The following SPTBN1 variants were observed in gnomAD, a reference collection of about 807,000 sequenced individuals.
SPTBN1 encodes the protein spectrin beta chain, non-erythrocytic 1.
A neutral mutation model predicts 266.4 loss-of-function variants in SPTBN1; 32 were observed. The ratio of observed to expected loss-of-function variants is 0.12; its 90% CI spans 0.09 to 0.16. SPTBN1 has a LOEUF of 0.16. SPTBN1 is among the 10% of genes least tolerant of loss of function. SPTBN1 has a pLI of 1.00. For missense variants in SPTBN1, 2,296 were observed against 3,067.1 expected (o/e 0.75, Z 5.94); for synonymous variants, 1,336 against 1,162.2 (o/e 1.15, Z -3.04).
At chr2:54,623,164 G>A (rs1302989706) in intron 9 of SPTBN1, among the ~76,000 whole-genome samples, 4 of 152,162 alleles carry the variant, frequency 2.6e-5, no homozygotes, top group African/African-American at 4.8e-5. Context: ...AATAATCCGT[G>A]TTGAATGCAT....
rs1204120497 is a variant in SPTBN1, at chr2:54,632,110, A to AT, written c.3565-445dup. Reference sequence around the variant, plus strand: ...AAAAAAAAAAAAAAGTACGGTGAGGATTTTTTTTTTTCTTGAGACCAGTCT... The same window carrying AT: ...AAAAAAAAAAAAAAGTACGGTGAGGATTTTTTTTTTTTCTTGAGACCAGTCT... On this transcript the variant is annotated intron_variant, in intron 16 of 35. Transcript: ENST00000356805. Among the ~76,000 whole-genome samples the AT allele has an allele frequency of 3.0e-3, 414 of 140,004 alleles. 1 individual carries two copies. The highest frequency in any genetic ancestry group is 9.5e-3 in the African/African-American group (360 of 38,078). The allele number at this position is 140,004 out of a possible 152,430, so 91.8% of individuals were successfully genotyped here.
intron 1 of SPTBN1, among the ~76,000 whole-genome samples, chr2:54,478,916 A>G (rs983260067): frequency 4.6e-5 from 7 of 151,750 alleles, no homozygotes; most frequent in East Asian, 1.9e-4. Flanking sequence ...ATATATGTGT[A>G]TATATATATA....
At chr2:54,639,597 T>TA (rs755032591) in intron 18 of SPTBN1, among the ~76,000 whole-genome samples, 5 of 152,398 alleles carry the variant, frequency 3.3e-5, no homozygotes, top group Non-Finnish European at 7.3e-5. Context: ...TCCACTGACA[T>TA]ATGTCGATTT....
At chr2:54,471,800 A>ATTTTTTTTTTTGTTTTTTTTTTT (rs1693934383) in intron 1 of SPTBN1, among the ~76,000 whole-genome samples, 1 of 102,718 alleles carries the variant, frequency 9.7e-6, no homozygotes. Flanking sequence ...TTTTTTATCG[A>ATTTTTTTTTTTGTTTTTTTTTTT]TTTTTTTTTT....
chr2:54,640,347 C>T (rs1248159254), intron 18 of SPTBN1, among the ~76,000 whole-genome samples: 1 of 152,056 alleles, frequency 6.6e-6, no homozygotes, highest in Non-Finnish European at 1.5e-5. Flanking sequence ...AGCTTCCTTC[C>T]TTGTTGGGTG....
chr2:54,559,622 C>T (rs1673142165), intron 2 of SPTBN1, among the ~76,000 whole-genome samples: 1 of 152,124 alleles, frequency 6.6e-6, no homozygotes, highest in Non-Finnish European at 1.5e-5. Context: ...GTTTTCCCTG[C>T]GGCCCCTGCA....
At chr2:54,469,820 T>A (rs1322094683) in intron 1 of SPTBN1, among the ~76,000 whole-genome samples, 1 of 152,214 alleles carries the variant, frequency 6.6e-6, no homozygotes, top group Non-Finnish European at 1.5e-5. Context: ...CTGGTCCTTC[T>A]CACAGCAAGA....
At chr2:54,568,348 T>G in intron 2 of SPTBN1, among the ~76,000 whole-genome samples, 1 of 62,718 alleles carries the variant, frequency 1.6e-5, no homozygotes, top group African/African-American at 7.3e-5. Context: ...AGACTCTGTC[T>G]CAAAAAAAAA....
chr2:54,635,608 G>A (rs768785909), intron 17 of SPTBN1, among the ~76,000 whole-genome samples: 26 of 152,328 alleles, frequency 1.7e-4, no homozygotes, highest in Non-Finnish European at 3.5e-4. Flanking sequence ...AGTGTTTGAA[G>A]TTACTTTCAT....
Position 54,624,799 on chromosome 2 carries a change from T to G in SPTBN1, c.1183-5T>G. On this transcript the variant is annotated splice_region_variant and splice_polypyrimidine_tract_variant and intron_variant, in intron 10 of 35. Transcript: ENST00000356805. ...TTGTGTGTGTGTGTATTTTCATTTTTGTAGGCCTGGGAAAGACTGGAAAAA... is the reference window on the plus strand; with the variant it reads ...TTGTGTGTGTGTGTATTTTCATTTTGGTAGGCCTGGGAAAGACTGGAAAAA... 1 of 1,614,106 alleles carries G rather than the reference T, an allele frequency of 6.2e-7. No homozygotes were observed. The highest frequency in any genetic ancestry group is 8.5e-7 in the Non-Finnish European group (1 of 1,180,004).
rs559895005 is a variant in SPTBN1, at chr2:54,670,345, G to C, written c.*1776G>C. ...TGGGTATGTTGACTCCATGCCACTT[G>C]CATAAAGCAGCAATGGATATTAGTA... On this transcript the variant is annotated 3_prime_UTR_variant, in exon 36 of 36. Coordinates refer to ENST00000356805, the MANE Select transcript of SPTBN1 (RefSeq NM_003128.3). 1 of 183,380 alleles carries C rather than the reference G, an allele frequency of 5.5e-6. No individual in the cohort carries two copies. Among genetic ancestry groups the C allele is most frequent in the East Asian group, 1.3e-4 (1 of 7,670 alleles). The allele number at this position is 183,380 out of a possible 1,614,324, so 11.4% of individuals were successfully genotyped here. A position where few individuals can be genotyped will look rare whatever the true frequency, so the allele number is the denominator to read the frequency against.
At chr2:54,556,574 T>G (rs1236214939) in intron 2 of SPTBN1, among the ~76,000 whole-genome samples, 1 of 152,176 alleles carries the variant, frequency 6.6e-6, no homozygotes. Context: ...ACTTAGAGAC[T>G]TATCATTTCA....
chr2:54,499,781 TC>T (rs925587987), intron 1 of SPTBN1, among the ~76,000 whole-genome samples: 1 of 152,150 alleles, frequency 6.6e-6, no homozygotes, highest in African/African-American at 2.4e-5. Context: ...TACTTTGCTT[TC>T]CCCCTTCCTT....
At chr2:54,473,932 A>G (rs1248383732) in intron 1 of SPTBN1, among the ~76,000 whole-genome samples, 4 of 152,224 alleles carry the variant, frequency 2.6e-5, no homozygotes, top group Admixed American at 6.5e-5. Flanking sequence ...GACATAAAAA[A>G]TCTATGGAAT....
In SPTBN1 at chr2:54,642,978, T is replaced by C. The variant is rs1558461168; in HGVS notation, c.3859-5T>C. On this transcript the variant is annotated splice_polypyrimidine_tract_variant and splice_region_variant and intron_variant, in intron 18 of 35. Coordinates refer to ENST00000356805, the MANE Select transcript of SPTBN1 (RefSeq NM_003128.3). ...AATCTCTGAATCCTTCTGATCTTTC[T>C]GTAGCTGTCTCTCTGGATCAATGAG... 1 of 1,611,454 alleles carries C rather than the reference T, an allele frequency of 6.2e-7. No homozygotes were observed. The highest frequency in any genetic ancestry group is 8.5e-7 in the Non-Finnish European group (1 of 1,178,738).
At chr2:54,471,475 ATT>A (rs34044536) in intron 1 of SPTBN1, among the ~76,000 whole-genome samples, 1 of 143,718 alleles carries the variant, frequency 7.0e-6, no homozygotes, top group Admixed American at 6.9e-5. Flanking sequence ...TGGTGGTCTG[ATT>A]TTTTTTTTTT....
Position 54,645,353 on chromosome 2 carries a change from C to A in SPTBN1, c.4394C>A (p.Thr1465Asn). 2.5e-6 allele frequency: 4 copies of A among 1,614,172 alleles called. No individual in the cohort carries two copies. The highest frequency in any genetic ancestry group is 3.4e-6 in the Non-Finnish European group (4 of 1,180,036). The change falls in exon 21 of 36, where the codon ACC becomes AAC. Residue 1465 changes from threonine to asparagine, a missense_variant. Transcript: ENST00000356805. This position sits in a 1 kb window ranked among gnomAD's most constrained non-coding sequence, Gnocchi z 4.3. ...EVDSKRLTVQTKFMELLEPLN... is the reference protein window; with the variant it reads ...EVDSKRLTVQNKFMELLEPLN... ...GACAGCAAGCGCCTCACCGTGCAGA[C>A]CAAGTTCATGGAGTTGCTGGAGCCC...
At chr2:54,462,816 G>T (rs916584776) in intron 1 of SPTBN1, among the ~76,000 whole-genome samples, 2 of 152,294 alleles carry the variant, frequency 1.3e-5, no homozygotes, top group African/African-American at 2.4e-5. Context: ...TTAAAACATG[G>T]CACATGCCAT....
rs1002566783 is a variant in SPTBN1, at chr2:54,659,002, C to CG, written c.6244-152_6244-151insG. On this transcript the variant is annotated intron_variant, in intron 30 of 35. Coordinates refer to ENST00000356805, the MANE Select transcript of SPTBN1 (RefSeq NM_003128.3). The stretch of plus-strand genomic sequence containing the variant: ...GGTTGTAGCTGCAGTTCCTGTGAAC[C>CG]TAATTCCATTTGGCTCAGGATGTTA... 127 of 745,140 alleles carry CG rather than the reference C, an allele frequency of 1.7e-4. 1 individual carries two copies. The Admixed American group carries it at 2.9e-3, about 17-fold the overall frequency. 46.2% of individuals were successfully genotyped at this position (745,140 alleles called of 1,614,324 possible). A position where few individuals can be genotyped will look rare whatever the true frequency, so the allele number is the denominator to read the frequency against.
Sources: gnomAD v4.1 joint callset for allele counts (sites outside exome capture counted in the v4.1 genomes callset) on GRCh38, gnomAD v4.1.1 for gene constraint, Gnocchi (gnomAD v3.1) non-coding constraint, MANE v1.5 for transcripts, NCBI Gene and HGNC (gene_info 2026-07-23, HGNC 2026-07-21) for gene names.